The following STRIP2 variants were observed in gnomAD, a reference collection of about 807,000 sequenced individuals.
STRIP2 encodes striatin interacting protein 2.
In STRIP2, 84 loss-of-function variants were observed where a neutral mutation model predicts 107.1. That is an observed-to-expected ratio of 0.78 (90% CI 0.66 to 0.94). The LOEUF (loss-of-function observed/expected upper bound fraction) is 0.94. Ranked by LOEUF, STRIP2 falls within the 40% of genes least tolerant of loss-of-function variation. STRIP2 has a pLI of 0.00. For synonymous variants in STRIP2, 394 were observed against 400.4 expected, an observed-to-expected ratio of 0.98 and a Z score of 0.19; for missense variants, 888 against 1,034.2, an observed-to-expected ratio of 0.86 and a Z score of 1.94.
intron 3 of STRIP2, among the ~76,000 whole-genome samples, chr7:129,445,851 T>C (rs753745739): frequency 4.1e-4 from 63 of 152,184 alleles, no homozygotes; most frequent in Admixed American, 2.4e-3. Flanking sequence ...AGTCCATGGA[T>C]GGTAGTCTTG....
chr7:129,439,283 T>C (rs113856611), intron 1 of STRIP2, among the ~76,000 whole-genome samples: 6 of 152,150 alleles, frequency 3.9e-5, no homozygotes, highest in African/African-American at 1.4e-4. Context: ...GAACAGTATA[T>C]TTTTTATGTC....
At chr7:129,465,476 A>G (rs1207893633) in intron 16 of STRIP2, among the ~76,000 whole-genome samples, 2 of 152,202 alleles carry the variant, frequency 1.3e-5, no homozygotes, top group African/African-American at 4.8e-5. Context: ...AAAGATGGGC[A>G]TGGTCTGGTG....
intron 18 of STRIP2, chr7:129,478,044 T>A: frequency 5.0e-6 from 2 of 398,862 alleles, no homozygotes; most frequent in South Asian, 4.0e-5. Context: ...CAGAAGAATA[T>A]TGGAATGGTG....
chr7:129,462,875 G>A, intron 13 of STRIP2, 91 bp from the exon 14 acceptor site: 1 of 943,382 alleles, frequency 1.1e-6, no homozygotes, highest in Non-Finnish European at 1.7e-6. Context: ...CCAGCTTAGT[G>A]CTCTTTTCAG....
chr7:129,440,898 A>C (rs1192314327), intron 2 of STRIP2, among the ~76,000 whole-genome samples: 2 of 152,182 alleles, frequency 1.3e-5, no homozygotes, highest in Non-Finnish European at 2.9e-5. Context: ...AAACAATTTT[A>C]AAGACGTTCT....
intron 9 of STRIP2, 89 bp downstream of exon 9, chr7:129,456,731 G>A: frequency 7.9e-7 from 1 of 1,263,056 alleles, no homozygotes; most frequent in South Asian, 1.4e-5. Flanking sequence ...GGAAAAAGCA[G>A]TAAATGACCC....
intron 12 of STRIP2, 38 bp from the exon 13 acceptor site, chr7:129,460,263 G>A: frequency 1.3e-6 from 2 of 1,577,444 alleles, no homozygotes; most frequent in Non-Finnish European, 1.7e-6. Context: ...TGTGAATGAG[G>A]CCCTCAGCCC....
rs1305196075 is a variant in STRIP2 at position 129,458,981 on chromosome 7, T to C, written c.1340+204T>C. ...TTCTTCCACTTTTCCTCAAAGAACT[T>C]TTGTGTTTTTAGCCAACTGTAGGAC... On this transcript the variant is annotated intron_variant, in intron 11 of 20. Coordinates refer to ENST00000249344, the MANE Select transcript of STRIP2 (RefSeq NM_020704.3). The surrounding 1 kb of genome is among the most constrained non-coding windows in gnomAD (Gnocchi z 4.6). 3.9e-5 allele frequency among the ~76,000 whole-genome samples: 6 copies of C among 152,186 alleles called. No homozygotes were observed. Among genetic ancestry groups the C allele is most frequent in the Admixed American group, 3.9e-4 (6 of 15,282 alleles).
Position 129,458,739 on chromosome 7 carries a change from G to A in STRIP2, c.1302G>A (p.Glu434=). The change falls in exon 11 of 21, where the codon GAG becomes GAA. Residue 434 remains glutamate (E), a synonymous_variant. Transcript: ENST00000249344. The surrounding 1 kb of genome is among the most constrained non-coding windows in gnomAD (Gnocchi z 4.6). The stretch of plus-strand genomic sequence containing the variant: ...AGAAGGACATTGAGCACTTCTTGGA[G>A]ATGAGCAGGAACAAGTTCATCGGAT... ...VRQKDIEHFL[E]MSRNKFIGFT... is the part of the protein sequence containing the mutation. The A allele has an allele frequency of 6.2e-7, 1 of 1,614,208 alleles. No homozygotes were observed. The highest frequency in any genetic ancestry group is 1.1e-5 in the South Asian group (1 of 91,080).
At chr7:129,478,280 C>T (rs1464566559) in intron 18 of STRIP2, among the ~76,000 whole-genome samples, 1 of 152,112 alleles carries the variant, frequency 6.6e-6, no homozygotes, top group Non-Finnish European at 1.5e-5. Flanking sequence ...GAGGCCGAGG[C>T]AGGTGGATCA....
intron 11 of STRIP2, among the ~76,000 whole-genome samples, chr7:129,459,192 T>C (rs544726347): frequency 6.6e-6 from 1 of 152,240 alleles, no homozygotes; most frequent in South Asian, 2.1e-4. Context: ...CTCTTGAAAA[T>C]TGAGTCCTTA....
At chr7:129,451,490 A>G in intron 3 of STRIP2, 123 bp from the exon 4 acceptor site, 1 of 1,304,472 alleles carries the variant, frequency 7.7e-7, no homozygotes, top group South Asian at 1.4e-5. Context: ...TGAAATAAGG[A>G]AAGCTTTTGG....
At position 129,454,491 on chromosome 7, in the gene STRIP2, T is replaced by G. The variant is rs1341709868; in HGVS notation, c.670T>G (p.Trp224Gly). Residue 224 changes from tryptophan (W) to glycine (G), a missense_variant, in exon 7 of 21, where the codon TGG (tryptophan) becomes GGG (glycine). Transcript: ENST00000249344. ...RLERETDPCG[W>G]RTARETFRTE... ...GGAGCGAGAGACAGACCCCTGTGGG[T>G]GGAGAACAGCCCGGGAGACCTTCCG... 1 of 1,613,958 alleles carries G rather than the reference T, an allele frequency of 6.2e-7. No individual in the cohort carries two copies. The highest frequency in any genetic ancestry group is 1.7e-5 in the Admixed American group (1 of 60,008).
At chr7:129,439,886 A>G in intron 1 of STRIP2, 136 bp from the exon 2 acceptor site, 1 of 684,700 alleles carries the variant, frequency 1.5e-6, no homozygotes, top group South Asian at 1.8e-5. Flanking sequence ...AAAGACCCAA[A>G]TAGGACTCTC....
chr7:129,454,346 A>C (rs1362212047), intron 6 of STRIP2, 75 bp from the exon 7 acceptor site: 1 of 1,467,808 alleles, frequency 6.8e-7, no homozygotes, highest in Non-Finnish European at 9.5e-7. Flanking sequence ...CTTCCCACAG[A>C]GACCATCTCT....
intron 2 of STRIP2, 61 bp downstream of exon 2, chr7:129,440,152 T>A: frequency 7.1e-7 from 1 of 1,406,246 alleles, no homozygotes; most frequent in Non-Finnish European, 1.0e-6. Flanking sequence ...GGAAGGGGCC[T>A]GTGATCTCCC....
At chr7:129,472,323 T>C (rs563671703) in intron 18 of STRIP2, among the ~76,000 whole-genome samples, 1 of 152,348 alleles carries the variant, frequency 6.6e-6, no homozygotes, top group African/African-American at 2.4e-5. Context: ...TAGGAATTGA[T>C]AGGAACCACA....
chr7:129,472,356 C>G, intron 18 of STRIP2, among the ~76,000 whole-genome samples: 1 of 152,052 alleles, frequency 6.6e-6, no homozygotes, highest in Non-Finnish European at 1.5e-5. Flanking sequence ...TCCCAATTGA[C>G]CTTTGGGATA....
At chr7:129,463,355 C>T (rs564106018) in intron 14 of STRIP2, among the ~76,000 whole-genome samples, 35 of 152,250 alleles carry the variant, frequency 2.3e-4, no homozygotes, top group Admixed American at 1.7e-3. Flanking sequence ...TAGATAGCCT[C>T]AGGCTGGGAG....
Sources: allele counts gnomAD v4.1 joint callset (sites outside exome capture counted in the v4.1 genomes callset), GRCh38; gene constraint gnomAD v4.1.1; non-coding constraint Gnocchi (gnomAD v3.1); transcripts MANE v1.5; gene names NCBI Gene and HGNC (gene_info 2026-07-23, HGNC 2026-07-21).